The following CTNNA1 variants were observed in gnomAD, a reference collection of about 807,000 sequenced individuals.
CTNNA1 encodes catenin alpha 1.
In CTNNA1, 37 loss-of-function variants were observed where a neutral mutation model predicts 98.4. That is an observed-to-expected ratio of 0.38 (90% CI 0.29 to 0.49). The LOEUF (loss-of-function observed/expected upper bound fraction) is 0.49. Among genes scored for constraint, CTNNA1 ranks in the 20% least tolerant of loss-of-function variants. The probability of loss-of-function intolerance (pLI) is 0.95; values close to 1 mark genes in which losing one functional copy is unlikely to be tolerated. For missense variants in CTNNA1, 761 were observed against 1,147.2 expected (o/e 0.66, Z 4.86); for synonymous variants, 404 against 413.2 (o/e 0.98, Z 0.27).
intron 9 of CTNNA1, among the ~76,000 whole-genome samples, chr5:138,901,536 C>T (rs1349121893): frequency 2.6e-5 from 4 of 151,970 alleles, no homozygotes; most frequent in South Asian, 2.1e-4. Context: ...GCTATTCTCC[C>T]AACTCAGCCT....
chr5:138,779,446 T>G (rs911074439), intron 1 of CTNNA1, among the ~76,000 whole-genome samples: 4 of 152,214 alleles, frequency 2.6e-5, no homozygotes, highest in African/African-American at 9.6e-5. Flanking sequence ...TCTTTTGATA[T>G]GATCTTGTTA....
intron 1 of CTNNA1, among the ~76,000 whole-genome samples, chr5:138,761,466 A>G (rs1752359360): frequency 6.6e-6 from 1 of 152,094 alleles, no homozygotes; most frequent in Non-Finnish European, 1.5e-5. Flanking sequence ...TGAACTCCTG[A>G]CCTCAAATGA....
intron 5 of CTNNA1, among the ~76,000 whole-genome samples, chr5:138,823,936 G>A (rs1206819516): frequency 8.1e-6 from 1 of 124,134 alleles, no homozygotes. Context: ...CAGCCTGGGC[G>A]ACAGAGCGAG....
intron 1 of CTNNA1, among the ~76,000 whole-genome samples, chr5:138,758,814 G>GTT (rs1168348314): frequency 6.8e-6 from 1 of 146,390 alleles, no homozygotes; most frequent in African/African-American, 2.5e-5. Flanking sequence ...GACAGTTTTT[G>GTT]TTTTTTTTTT....
intron 7 of CTNNA1, among the ~76,000 whole-genome samples, chr5:138,835,780 ACT>A (rs1761717294): frequency 6.6e-6 from 1 of 151,968 alleles, no homozygotes; most frequent in South Asian, 2.1e-4. Flanking sequence ...CCTAAAATCT[ACT>A]CTCTTAGCAA....
intron 9 of CTNNA1, among the ~76,000 whole-genome samples, chr5:138,892,372 C>T (rs866612609): frequency 3.7e-5 from 4 of 109,042 alleles, no homozygotes; most frequent in African/African-American, 7.3e-5. Flanking sequence ...CAGAGTCTTG[C>T]TCTGTCGCCC....
At chr5:138,803,553 C>T (rs955130958) in intron 3 of CTNNA1, among the ~76,000 whole-genome samples, 3 of 152,154 alleles carry the variant, frequency 2.0e-5, no homozygotes, top group Admixed American at 6.5e-5. Context: ...TTGTCTTCTT[C>T]GTTGTCTTGT....
chr5:138,932,850 C>A, intron 17 of CTNNA1, 138 bp downstream of exon 17: 1 of 1,081,866 alleles, frequency 9.2e-7, no homozygotes, highest in Non-Finnish European at 1.4e-6. Flanking sequence ...GTCCCAGTCT[C>A]TGGAGACCAA....
chr5:138,778,119 G>A (rs1480357237), intron 1 of CTNNA1, among the ~76,000 whole-genome samples: 7 of 149,014 alleles, frequency 4.7e-5, no homozygotes, highest in South Asian at 2.2e-4. Flanking sequence ...TCAGCCTCCC[G>A]AGTAGCTGGG....
chr5:138,824,657 C>G lies in CTNNA1; in HGVS notation c.716C>G (p.Ala239Gly). The change falls in exon 6 of 18, where the codon GCC (alanine) becomes GGC (glycine). Residue 239 changes from alanine to glycine, a missense_variant. Physicochemically the swap from Ala to Gly is moderately conservative, Grantham distance 60. Coordinates refer to ENST00000302763, the MANE Select transcript of CTNNA1 (RefSeq NM_001903.5). ...CACCCTGATGTCGCAGCCTATAAGG[C>G]CAACAGGGACCTGATATACAAGCAG... ...LQHPDVAAYK[A>G]NRDLIYKQLQ... The G allele has an allele frequency of 2.5e-6, 4 of 1,614,218 alleles. No individual in the cohort carries two copies. The highest frequency in any genetic ancestry group is 3.4e-6 in the Non-Finnish European group (4 of 1,180,046).
intron 1 of CTNNA1, among the ~76,000 whole-genome samples, chr5:138,779,145 C>T (rs1400668893): frequency 6.6e-6 from 1 of 152,138 alleles, no homozygotes; most frequent in African/African-American, 2.4e-5. Context: ...TCCCTAAGTG[C>T]TGGAATTACA....
At chr5:138,759,126 AT>A (rs968289021) in intron 1 of CTNNA1, among the ~76,000 whole-genome samples, 36 of 149,962 alleles carry the variant, frequency 2.4e-4, no homozygotes, top group Non-Finnish European at 3.4e-4. Flanking sequence ...TTATTGGTTA[AT>A]TTTTTTTTTC....
intron 7 of CTNNA1, among the ~76,000 whole-genome samples, chr5:138,844,245 C>T (rs188899431): frequency 1.7e-3 from 265 of 152,182 alleles, no homozygotes; most frequent in African/African-American, 5.1e-3. Context: ...ATCCACCTGC[C>T]TCGGCATGCC....
At chr5:138,757,951 G>C (rs1751863578) in intron 1 of CTNNA1, among the ~76,000 whole-genome samples, 2 of 152,170 alleles carry the variant, frequency 1.3e-5, no homozygotes, top group East Asian at 3.9e-4. Flanking sequence ...TCTAATCACT[G>C]ATGAAATCCT....
At position 138,874,000 on chromosome 5, in the gene CTNNA1, A is replaced by G. The variant is rs906512473; in HGVS notation, c.1063-12212A>G. 1 of 1,613,878 alleles carries G rather than the reference A, an allele frequency of 6.2e-7. No individual in the cohort carries two copies. The highest frequency in any genetic ancestry group is 1.3e-5 in the African/African-American group (1 of 74,912). On this transcript the variant is annotated intron_variant, in intron 7 of 17. Coordinates refer to ENST00000302763, the MANE Select transcript of CTNNA1 (RefSeq NM_001903.5). The surrounding 1 kb of genome is among the most constrained non-coding windows in gnomAD (Gnocchi z 6.1). ...AACTTCGCAAACGATTTGTGCTCAA[A>G]TCCAGAAACTCCAGACTACGACAGT...
rs1230838089 is a variant in CTNNA1, at chr5:138,934,207, G to C, written c.*118G>C. 1.4e-5 allele frequency: 10 copies of C among 728,306 alleles called. No homozygotes were observed. Among genetic ancestry groups the C allele is most frequent in the Non-Finnish European group, 2.2e-5 (10 of 449,632 alleles). 45.1% of individuals were successfully genotyped at this position (728,306 alleles called of 1,614,324 possible). A position where few individuals can be genotyped will look rare whatever the true frequency, so the allele number is the denominator to read the frequency against. On this transcript the variant is annotated 3_prime_UTR_variant, in exon 18 of 18. Transcript: ENST00000302763. ...ACTAGATTCCACAGGGAAATGGGCA[G>C]ACTGAACCAGTCCAGGTGGTGAATT...
chr5:138,855,847 A>C (rs537019070), intron 7 of CTNNA1, among the ~76,000 whole-genome samples: 37 of 152,204 alleles, frequency 2.4e-4, no homozygotes, highest in South Asian at 1.7e-3. Context: ...TTGAGTTGTT[A>C]GCTAGTCTTG....
rs114111096 is a variant in CTNNA1, at chr5:138,788,382, G to A, written c.301+5010G>A. ...TGTGTTTTCCTTTCCAGTGCCAAATGTAAATGCATGGGTAGGGGTGGAGAA... is the reference window on the plus strand; with the variant it reads ...TGTGTTTTCCTTTCCAGTGCCAAATATAAATGCATGGGTAGGGGTGGAGAA... On this transcript the variant is annotated intron_variant, in intron 3 of 17. Transcript: ENST00000302763. 2.2e-3 allele frequency among the ~76,000 whole-genome samples: 334 copies of A among 152,208 alleles called. 2 individuals are homozygous for A. The highest frequency in any genetic ancestry group is 7.9e-3 in the African/African-American group (327 of 41,534).
chr5:138,821,664 T>C (rs1005293827), intron 5 of CTNNA1, among the ~76,000 whole-genome samples: 2 of 152,230 alleles, frequency 1.3e-5, no homozygotes, highest in African/African-American at 2.4e-5. Context: ...ATAGATTGCT[T>C]AGAAGTTAGT....
Sources: allele counts gnomAD v4.1 joint callset (sites outside exome capture counted in the v4.1 genomes callset), GRCh38; gene constraint gnomAD v4.1.1; non-coding constraint Gnocchi (gnomAD v3.1); transcripts MANE v1.5; gene names NCBI Gene and HGNC (gene_info 2026-07-23, HGNC 2026-07-21).